The following MAP4K4 variants were observed in gnomAD, a reference collection of about 807,000 sequenced individuals.
The protein encoded by MAP4K4 is mitogen-activated protein kinase kinase kinase kinase 4, also known as HPK/GCK-like kinase HGK.
MAP4K4 carries 38 observed loss-of-function variants against 189.6 expected under a neutral mutation model. The ratio of observed to expected loss-of-function variants is 0.20; its 90% CI spans 0.15 to 0.26. The LOEUF (loss-of-function observed/expected upper bound fraction) is 0.26. Among genes scored for constraint, MAP4K4 ranks in the 10% least tolerant of loss-of-function variants. The pLI is 1.00. For synonymous variants in MAP4K4, 610 were observed against 624.3 expected (o/e 0.98, Z 0.34); for missense variants, 1,054 against 1,726.9 (o/e 0.61, Z 6.91).
At chr2:101,789,917 A>G (rs910228044) in intron 2 of MAP4K4, among the ~76,000 whole-genome samples, 5 of 152,088 alleles carry the variant, frequency 3.3e-5, no homozygotes, top group African/African-American at 1.2e-4. Flanking sequence ...GGGTTATAGG[A>G]TTTTAGATTC....
At chr2:101,864,469 T>C (rs2097761721) in intron 17 of MAP4K4, among the ~76,000 whole-genome samples, 1 of 152,238 alleles carries the variant, frequency 6.6e-6, no homozygotes, top group Non-Finnish European at 1.5e-5. Flanking sequence ...TTTTTGTGTT[T>C]ACATAATAGT....
chr2:101,868,841 G>T (rs1053323419), intron 21 of MAP4K4, among the ~76,000 whole-genome samples: 4 of 146,634 alleles, frequency 2.7e-5, no homozygotes, highest in East Asian at 2.0e-4. Context: ...TAGGTTTGAA[G>T]TTTTTTTTTT....
intron 12 of MAP4K4, 60 bp from the exon 13 acceptor site, chr2:101,855,917 T>C: frequency 2.0e-6 from 3 of 1,504,916 alleles, no homozygotes; most frequent in Non-Finnish European, 1.8e-6. Context: ...CAGCACACTA[T>C]AACATCATGA....
rs1410677388 is a variant in MAP4K4, at chr2:101,887,653, C to G, written c.3772-125C>G. On this transcript the variant is annotated intron_variant, in intron 30 of 32. Coordinates refer to ENST00000324219, the Ensembl canonical transcript of MAP4K4. ...TGCATGACTATTCTAAAATGTTAAT[C>G]TAATTGCTGTATTTATCTTCAGAGA... is the stretch of plus-strand genomic sequence containing the variant. The G allele has an allele frequency of 9.0e-6, 6 of 667,912 alleles. No individual in the cohort carries two copies. In the East Asian group the frequency reaches 1.7e-4, roughly 19 times the overall value. 41.4% of individuals were successfully genotyped at this position (667,912 alleles called of 1,614,324 possible). A position where few individuals can be genotyped will look rare whatever the true frequency, so the allele number is the denominator to read the frequency against.
rs562825718 is a variant in MAP4K4, at chr2:101,843,975, G to GTCTC, written c.1023-125_1023-122dup. The GTCTC allele has an allele frequency of 1.7e-4, 110 of 632,452 alleles. No individual in the cohort carries two copies. In the East Asian group the frequency reaches 2.9e-3, roughly 17 times the overall value. 39.2% of individuals were successfully genotyped at this position (632,452 alleles called of 1,614,324 possible). Reference sequence around the variant, plus strand: ...AGTCATTTCTGTGGATGTATTAGTTGTCTCCCTGGAGTCAGAGGAACTCAG... The same window carrying GTCTC: ...AGTCATTTCTGTGGATGTATTAGTTGTCTCTCTCCCTGGAGTCAGAGGAACTCAG... On this transcript the variant is annotated intron_variant, in intron 11 of 32. Transcript: ENST00000324219.
At chr2:101,763,940 G>C (rs189961108) in intron 2 of MAP4K4, among the ~76,000 whole-genome samples, 81 of 152,264 alleles carry the variant, frequency 5.3e-4, no homozygotes, top group African/African-American at 1.9e-3. Flanking sequence ...GACCCTGAGA[G>C]GTCAGGGTGC....
intron 2 of MAP4K4, among the ~76,000 whole-genome samples, chr2:101,756,146 G>A (rs372553850): frequency 8.6e-5 from 13 of 151,914 alleles, no homozygotes; most frequent in African/African-American, 3.1e-4. Context: ...GGGTTTTACT[G>A]TGCTAGCCAG....
intron 2 of MAP4K4, among the ~76,000 whole-genome samples, chr2:101,773,918 A>G (rs1214012523): frequency 6.6e-6 from 1 of 152,180 alleles, no homozygotes; most frequent in Non-Finnish European, 1.5e-5. Context: ...ACAGGATCTT[A>G]TACTCCATTG....
At position 101,772,116 on chromosome 2, in the gene MAP4K4, A is replaced by T. The variant is rs1028224068; in HGVS notation, c.124-18604A>T. Among the ~76,000 whole-genome samples the T allele has an allele frequency of 3.3e-5, 5 of 152,340 alleles. 1 individual carries two copies. Among genetic ancestry groups the T allele is most frequent in the Admixed American group, 3.3e-4 (5 of 15,310 alleles). ...TTGGCTCAGTGTGTGTTGAAAGGAC[A>T]TTGCCCAAATAAACATTTTTGTCCT... On this transcript the variant is annotated intron_variant, in intron 2 of 32. Coordinates refer to ENST00000324219, the Ensembl canonical transcript of MAP4K4.
intron 16 of MAP4K4, 99 bp downstream of exon 16, chr2:101,861,085 T>A: frequency 9.0e-7 from 1 of 1,116,012 alleles, no homozygotes; most frequent in Non-Finnish European, 1.3e-6. Context: ...GTCACCACAC[T>A]GAAAAAGAGG....
chr2:101,739,107 A>T (rs538671024), intron 2 of MAP4K4, among the ~76,000 whole-genome samples: 102 of 152,318 alleles, frequency 6.7e-4, no homozygotes, highest in African/African-American at 2.4e-3. Context: ...CGAATAGTAC[A>T]GGGCATGGTA....
intron 2 of MAP4K4, among the ~76,000 whole-genome samples, chr2:101,757,542 G>T (rs1473048174): frequency 1.3e-5 from 2 of 152,084 alleles, no homozygotes; most frequent in Non-Finnish European, 2.9e-5. Flanking sequence ...AGACTCAATA[G>T]ATACATAAAA....
intron 3 of MAP4K4, among the ~76,000 whole-genome samples, chr2:101,811,444 A>T (rs1476989297): frequency 6.8e-6 from 1 of 147,564 alleles, no homozygotes. Context: ...CATTCTGTAT[A>T]GTGTCATTCC....
intron 2 of MAP4K4, among the ~76,000 whole-genome samples, chr2:101,741,465 G>A (rs114405099): frequency 8.5e-5 from 13 of 152,212 alleles, no homozygotes; most frequent in Middle Eastern, 3.4e-3. Context: ...ACCGCACCCG[G>A]CCAGTAGTAG....
At chr2:101,850,021 A>C (rs949349434) in intron 12 of MAP4K4, among the ~76,000 whole-genome samples, 3 of 152,174 alleles carry the variant, frequency 2.0e-5, no homozygotes, top group Non-Finnish European at 4.4e-5. Flanking sequence ...TGGTATTTAA[A>C]AAAATTTCTT....
chr2:101,698,460 C>A lies in MAP4K4; in HGVS notation c.58-13C>A. On this transcript the variant is annotated splice_polypyrimidine_tract_variant and intron_variant, in intron 1 of 32. Transcript: ENST00000324219. ...TCTTTTAAATGATAACCCCTCCCCT[C>A]CTTCCTCTCCAGGATCCTGCTGGGA... is the stretch of plus-strand genomic sequence containing the variant. The A allele has an allele frequency of 6.2e-7, 1 of 1,611,628 alleles. No homozygotes were observed. The highest frequency in any genetic ancestry group is 8.5e-7 in the Non-Finnish European group (1 of 1,177,818).
chr2:101,760,169 A>G (rs1264755500), intron 2 of MAP4K4, among the ~76,000 whole-genome samples: 3 of 150,046 alleles, frequency 2.0e-5, no homozygotes, highest in Non-Finnish European at 4.4e-5. Flanking sequence ...CTTTTTTTTT[A>G]GATTTAGACA....
intron 2 of MAP4K4, among the ~76,000 whole-genome samples, chr2:101,789,980 G>C (rs150547243): frequency 6.6e-6 from 1 of 152,034 alleles, no homozygotes; most frequent in African/African-American, 2.4e-5. Context: ...TCATCCCCCC[G>C]ACTTCTTTAT....
intron 27 of MAP4K4, among the ~76,000 whole-genome samples, chr2:101,881,275 T>A (rs1189577385): frequency 1.3e-5 from 2 of 152,246 alleles, no homozygotes; most frequent in Non-Finnish European, 2.9e-5. Context: ...TTCTAATGAT[T>A]TGTTGCTGGT....
Sources: gnomAD v4.1 joint callset for allele counts (sites outside exome capture counted in the v4.1 genomes callset) on GRCh38, gnomAD v4.1.1 for gene constraint, MANE v1.5 for transcripts, NCBI Gene and HGNC (gene_info 2026-07-23, HGNC 2026-07-21) for gene names.